ERMARD: variants seen among roughly 807,000 people sequenced by gnomAD.
ERMARD encodes endoplasmic reticulum membrane-associated RNA degradation protein.
In ERMARD, 71 loss-of-function variants were observed where a neutral mutation model predicts 83.9. The ratio of observed to expected loss-of-function variants is 0.85; its 90% CI spans 0.70 to 1.03. ERMARD has a LOEUF of 1.03. ERMARD is among the 50% of genes least tolerant of loss of function. ERMARD has a pLI of 0.00. For synonymous variants in ERMARD, 284 were observed against 298.6 expected (o/e 0.95, Z 0.50); for missense variants, 838 against 810.9 (o/e 1.03, Z -0.41).
intron 13 of ERMARD, among the ~76,000 whole-genome samples, chr6:169,774,132 G>A (rs957738258): frequency 6.6e-6 from 1 of 152,132 alleles, no homozygotes; most frequent in Non-Finnish European, 1.5e-5. Flanking sequence ...TCAGGAGATC[G>A]AGACCATCCT....
At chr6:169,758,642 T>G (rs1791125220) in intron 5 of ERMARD, among the ~76,000 whole-genome samples, 1 of 152,238 alleles carries the variant, frequency 6.6e-6, no homozygotes, top group Non-Finnish European at 1.5e-5. Context: ...ATAACCTGGG[T>G]CAGATCTTAT....
At chr6:169,781,295 T>C in intron 17 of ERMARD, 35 bp from the exon 18 acceptor site, 1 of 1,532,990 alleles carries the variant, frequency 6.5e-7, no homozygotes, top group Non-Finnish European at 8.7e-7. Flanking sequence ...CATTTTATAA[T>C]GGAATGGATA....
chr6:169,754,359 A>G (rs1790527358), intron 2 of ERMARD, among the ~76,000 whole-genome samples: 1 of 152,170 alleles, frequency 6.6e-6, no homozygotes, highest in South Asian at 2.1e-4. Flanking sequence ...AGGGTAGAAA[A>G]TGACCAGTAA....
intron 12 of ERMARD, among the ~76,000 whole-genome samples, chr6:169,772,867 G>A (rs909570457): frequency 6.6e-6 from 1 of 151,504 alleles, no homozygotes; most frequent in African/African-American, 2.4e-5. Flanking sequence ...GTTTTAGTTG[G>A]CTGACTTGGA....
chr6:169,769,507 A>G (rs1422890377), intron 11 of ERMARD, 33 bp from the exon 12 acceptor site: 1 of 1,576,304 alleles, frequency 6.3e-7, no homozygotes, highest in Non-Finnish European at 8.6e-7. Flanking sequence ...TGCGGATACT[A>G]ACAAAATATT....
chr6:169,776,683 C>A lies in ERMARD; in HGVS notation c.1739+10C>A. The A allele has an allele frequency of 6.2e-7, 1 of 1,612,618 alleles. No individual in the cohort carries two copies. The highest frequency in any genetic ancestry group is 1.1e-5 in the South Asian group (1 of 90,986). ...TGCGTATGTGGAGTAGGTGCGCGCT[C>A]ACTTTCCTGTTTTGGAGGGGCACTG... On this transcript the variant is annotated intron_variant, in intron 16 of 17. Transcript: ENST00000366773.
chr6:169,753,420 T>C (rs2128339916), intron 1 of ERMARD: 1 of 154,682 alleles, frequency 6.5e-6, no homozygotes, highest in South Asian at 2.0e-4. Context: ...TGGTTTCTGC[T>C]CTCCCATTCC....
At chr6:169,751,554 GC>G, upstream of ERMARD, 3 of 1,610,296 alleles carry the variant, frequency 1.9e-6, no homozygotes, top group South Asian at 3.3e-5. Context: ...TCCCACCTGC[GC>G]CTCGTACGGT....
chr6:169,776,385 C>T (rs1793597249), intron 15 of ERMARD, 70 bp from the exon 16 acceptor site: 4 of 1,568,774 alleles, frequency 2.5e-6, no homozygotes, highest in African/African-American at 2.7e-5. Context: ...CGCAGCCTTG[C>T]AGGTGCAGAA....
At chr6:169,780,900 G>A (rs569790667) in intron 17 of ERMARD, among the ~76,000 whole-genome samples, 50 of 152,290 alleles carry the variant, frequency 3.3e-4, no homozygotes, top group African/African-American at 1.2e-3. Context: ...AAACCCACAT[G>A]TTCAGGGGGC....
At chr6:169,779,463 A>G (rs1052946728) in intron 17 of ERMARD, among the ~76,000 whole-genome samples, 168 bp downstream of exon 17, 1 of 151,966 alleles carries the variant, frequency 6.6e-6, no homozygotes, top group Non-Finnish European at 1.5e-5. Context: ...CCCACATCCA[A>G]ATGTCTCAAA....
At chr6:169,754,217 G>A (rs1412372017) in intron 2 of ERMARD, among the ~76,000 whole-genome samples, 185 bp downstream of exon 2, 2 of 152,216 alleles carry the variant, frequency 1.3e-5, no homozygotes, top group Non-Finnish European at 2.9e-5. Context: ...GCATGGAAAA[G>A]TTAATGGAAA....
At chr6:169,760,031 A>G (rs1268129150) in intron 7 of ERMARD, 57 bp downstream of exon 7, 1 of 1,607,292 alleles carries the variant, frequency 6.2e-7, no homozygotes, top group African/African-American at 1.3e-5. Context: ...TTGCAAAGTC[A>G]GTAAACAGCA....
chr6:169,779,401 G>T (rs1793954904), intron 17 of ERMARD, 106 bp downstream of exon 17: 1 of 954,454 alleles, frequency 1.0e-6, no homozygotes, highest in African/African-American at 1.6e-5. Flanking sequence ...TATCCCCTTG[G>T]TGGCCCCACC....
At chr6:169,762,394 G>A in intron 8 of ERMARD, 35 bp from the exon 9 acceptor site, 1 of 1,574,706 alleles carries the variant, frequency 6.4e-7, no homozygotes, top group Non-Finnish European at 8.7e-7. Context: ...TTTTTGAAAT[G>A]TGGAGTTTTA....
chr6:169,756,517 GT>G, intron 4 of ERMARD, 78 bp downstream of exon 4: 1 of 1,142,710 alleles, frequency 8.8e-7, no homozygotes, highest in Non-Finnish European at 1.3e-6. Context: ...GTTGTCCTCA[GT>G]TTTCTTGATT....
intron 17 of ERMARD, among the ~76,000 whole-genome samples, chr6:169,779,718 C>T (rs1793992835): frequency 6.6e-6 from 1 of 152,232 alleles, no homozygotes; most frequent in African/African-American, 2.4e-5. Context: ...GATCATCCCA[C>T]CTTGGCCTCC....
chr6:169,775,251 A>G lies in ERMARD; in HGVS notation c.1318-19A>G, dbSNP rs1238607687. ...AGTTACTGTGAAATCTACAAAAGCAATAAAACATTTCCTCCCAGGTGCTGA... is the reference window on the plus strand; with the variant it reads ...AGTTACTGTGAAATCTACAAAAGCAGTAAAACATTTCCTCCCAGGTGCTGA... On this transcript the variant is annotated intron_variant, in intron 13 of 17. Transcript: ENST00000366773. The G allele has an allele frequency of 1.2e-6, 2 of 1,613,254 alleles. No individual in the cohort carries two copies. The highest frequency in any genetic ancestry group is 1.3e-5 in the African/African-American group (1 of 75,044).
chr6:169,755,364 C>G lies in ERMARD; in HGVS notation c.257C>G (p.Thr86Ser), dbSNP rs61735516. The G allele has an allele frequency of 6.2e-7, 1 of 1,614,124 alleles. No individual in the cohort carries two copies. Residue 86 changes from threonine to serine, a missense_variant, in exon 3 of 18, where the codon ACC becomes AGC. Physicochemically the swap from Thr to Ser is moderately conservative, Grantham distance 58 (BLOSUM62 1). Transcript: ENST00000366773. ...GTCCATTCACATTTCTTATCTCTGA[C>G]CAAGGGGCAATTTGAAATTCGATAT... ...EAVHSHFLSL[T>S]KGQFEIRYAP... is the part of the protein sequence containing the mutation.
Sources: allele counts gnomAD v4.1 joint callset (sites outside exome capture counted in the v4.1 genomes callset), GRCh38; gene constraint gnomAD v4.1.1; transcripts MANE v1.5; gene names NCBI Gene and HGNC (gene_info 2026-07-23, HGNC 2026-07-21).